KANK4: variants seen among roughly 807,000 people sequenced by gnomAD.
KANK4 encodes the protein KN motif and ankyrin repeat domains 4, also known as KN motif and ankyrin repeat domain-containing protein 4.
In KANK4, 50 loss-of-function variants were observed where a neutral mutation model predicts 80.8. The ratio of observed to expected loss-of-function variants is 0.62; its 90% CI spans 0.49 to 0.78. The LOEUF is 0.78. Among genes scored for constraint, KANK4 ranks in the 30% least tolerant of loss-of-function variants. KANK4 has a pLI of 0.00. For synonymous variants in KANK4, 465 were observed against 506.9 expected, an observed-to-expected ratio of 0.92 and a Z score of 1.11; for missense variants, 1,196 against 1,240.1, an observed-to-expected ratio of 0.96 and a Z score of 0.53.
intron 1 of KANK4, among the ~76,000 whole-genome samples, chr1:62,291,588 A>T (rs972606470): frequency 2.6e-5 from 4 of 152,066 alleles, no homozygotes; most frequent in Non-Finnish European, 5.9e-5. Context: ...CTACAGGTGC[A>T]TACCACCAGG....
chr1:62,279,191 AGCGC>A (rs766521694), intron 2 of KANK4, among the ~76,000 whole-genome samples: 1 of 139,324 alleles, frequency 7.2e-6, no homozygotes, highest in Non-Finnish European at 1.5e-5. Context: ...TTCCTAAGCT[AGCGC>A]GCGCACACAC....
chr1:62,259,517 T>G lies in KANK4; in HGVS notation c.2539+3575A>C, dbSNP rs534559636. Among the ~76,000 whole-genome samples, 5 of 152,118 alleles carry G rather than the reference T, an allele frequency of 3.3e-5. No homozygotes were observed. The South Asian group carries it at 1.0e-3, about 32-fold the overall frequency. ...GTCTTGAACCTCTGAGCCTAAGCGG[T>G]TCACCCGCCTCAGCCTCCCAAAGTG... On this transcript the variant is annotated intron_variant, in intron 7 of 9. Transcript: ENST00000371153.
At chr1:62,277,715 A>T (rs940203166) in intron 2 of KANK4, among the ~76,000 whole-genome samples, 1 of 152,250 alleles carries the variant, frequency 6.6e-6, no homozygotes. Flanking sequence ...AGCCCCAAGC[A>T]GTTCCAGTCA....
At chr1:62,256,614 C>T (rs1412742458) in intron 7 of KANK4, among the ~76,000 whole-genome samples, 1 of 152,054 alleles carries the variant, frequency 6.6e-6, no homozygotes, top group Non-Finnish European at 1.5e-5. Context: ...AACTCCCGAC[C>T]TCAGGTGATC....
intron 7 of KANK4, among the ~76,000 whole-genome samples, chr1:62,261,357 C>T (rs151312522): frequency 0.038 from 5,808 of 151,844 alleles, 131 homozygotes; most frequent in Middle Eastern, 0.058. Context: ...AGAGGGTTTC[C>T]CCATGTTGGC....
chr1:62,281,741 G>C (rs1046866251), intron 1 of KANK4, 107 bp from the exon 2 acceptor site: 3 of 749,284 alleles, frequency 4.0e-6, no homozygotes, highest in Admixed American at 4.0e-5. Context: ...CTTTCTCCCA[G>C]GGTGCCCATG....
chr1:62,315,149 G>A (rs953688199), intron 1 of KANK4, among the ~76,000 whole-genome samples: 10 of 152,132 alleles, frequency 6.6e-5, no homozygotes, highest in Admixed American at 2.6e-4. Context: ...GGAGATTGGC[G>A]TCCTGAGGCA....
At chr1:62,296,549 G>T (rs76836001) in intron 1 of KANK4, among the ~76,000 whole-genome samples, 169 of 152,146 alleles carry the variant, frequency 1.1e-3, no homozygotes, top group Admixed American at 3.6e-3. Context: ...TGGTTTTTTT[G>T]GTTTTTGTTT....
intron 8 of KANK4, among the ~76,000 whole-genome samples, chr1:62,251,727 C>T (rs1671623964): frequency 6.6e-6 from 1 of 152,196 alleles, no homozygotes; most frequent in Admixed American, 6.5e-5. Flanking sequence ...GGCGCGGTGG[C>T]TCACGCCTGT....
chr1:62,276,508 G>A (rs1672318336), intron 2 of KANK4, among the ~76,000 whole-genome samples: 1 of 152,136 alleles, frequency 6.6e-6, no homozygotes, highest in Non-Finnish European at 1.5e-5. Context: ...GGGTGCGGTG[G>A]TTCATGCCTG....
chr1:62,307,338 C>T (rs1201299270), intron 1 of KANK4, among the ~76,000 whole-genome samples: 7 of 151,950 alleles, frequency 4.6e-5, no homozygotes, highest in East Asian at 3.9e-4. Context: ...AAAAATTAGC[C>T]GGACGTCGTG....
At chr1:62,311,247 TACCCTAGAGCAAGTGTTTA>T (rs138354140) in intron 1 of KANK4, among the ~76,000 whole-genome samples, 2,799 of 152,198 alleles carry the variant, frequency 0.018, 96 homozygotes, top group African/African-American at 0.064. Flanking sequence ...ATATCTCGGG[TACCCTAGAGCAAGTGTTTA>T]ACCTCTTAGA....
intron 2 of KANK4, among the ~76,000 whole-genome samples, chr1:62,276,861 T>C (rs1433285637): frequency 6.6e-6 from 1 of 152,120 alleles, no homozygotes; most frequent in Non-Finnish European, 1.5e-5. Flanking sequence ...ATTCAGTTTA[T>C]CTTTGTGGAA....
chr1:62,247,560 G>C lies in KANK4; in HGVS notation c.2795C>G (p.Ala932Gly). 6.2e-7 allele frequency: 1 copy of C among 1,614,040 alleles called. No individual in the cohort carries two copies. The highest frequency in any genetic ancestry group is 8.5e-7 in the Non-Finnish European group (1 of 1,180,006). Residue 932 changes from alanine to glycine, a missense_variant, in exon 9 of 10, where the codon GCC becomes GGC. Transcript: ENST00000371153. ...GCCATGGTGACAGGCCACCATGAGG[G>C]CCGAGGATCCATCGTGGTCCTGCAG... is the stretch of plus-strand genomic sequence containing the variant. ...VNLQDHDGSSALMVACHHGNV... is the reference protein window; with the variant it reads ...VNLQDHDGSSGLMVACHHGNV...
At chr1:62,264,152 T>G (rs1488721860) in intron 6 of KANK4, among the ~76,000 whole-genome samples, 1 of 152,188 alleles carries the variant, frequency 6.6e-6, no homozygotes, top group Non-Finnish European at 1.5e-5. Flanking sequence ...GCGCGGCAGC[T>G]CTCGCCTGTA....
At chr1:62,258,396 C>T (rs938161142) in intron 7 of KANK4, among the ~76,000 whole-genome samples, 8 of 152,186 alleles carry the variant, frequency 5.3e-5, no homozygotes, top group East Asian at 1.9e-4. Context: ...TCTACCATTT[C>T]GATGGTATCC....
chr1:62,311,764 G>C (rs988426293), intron 1 of KANK4, among the ~76,000 whole-genome samples: 1 of 152,180 alleles, frequency 6.6e-6, no homozygotes, highest in African/African-American at 2.4e-5. Context: ...ATTACCCGAT[G>C]AGTCAGCCGT....
At position 62,274,496 on chromosome 1, in the gene KANK4, G is replaced by A. The variant is rs1368158007; in HGVS notation, c.608C>T (p.Thr203Ile). The change falls in exon 3 of 10, where the codon ACC becomes ATC. Residue 203 changes from threonine to isoleucine, a missense_variant. Transcript: ENST00000371153. The stretch of plus-strand genomic sequence containing the variant: ...TGCCAATCCTTCTGCAGGTTCAAAG[G>A]TGCCATCACAGACACTGCCTTCACC... ...LQGEGSVCDG[T>I]FEPAEGLAGF... 9 of 1,614,084 alleles carry A rather than the reference G, an allele frequency of 5.6e-6. No homozygotes were observed. Among genetic ancestry groups the A allele is most frequent in the Non-Finnish European group, 7.6e-6 (9 of 1,180,042 alleles).
chr1:62,262,942 A>G (rs1671921375), intron 7 of KANK4, 150 bp downstream of exon 7: 1 of 681,056 alleles, frequency 1.5e-6, no homozygotes, highest in Non-Finnish European at 2.6e-6. Context: ...TGGGTATACT[A>G]CAAGACCAGA....
Sources: gnomAD v4.1 joint callset for allele counts (sites outside exome capture counted in the v4.1 genomes callset) on GRCh38, gnomAD v4.1.1 for gene constraint, MANE v1.5 for transcripts, NCBI Gene and HGNC (gene_info 2026-07-23, HGNC 2026-07-21) for gene names.